The following CHLSN variants were observed in gnomAD, a reference collection of about 807,000 sequenced individuals.
CHLSN encodes cholesin, also known as protein cholesin.
chr7:1,117,547 A>G, the CHLSN span, among the ~76,000 whole-genome samples: 1 of 133,476 alleles, frequency 7.5e-6, no homozygotes, highest in South Asian at 2.4e-4. Flanking sequence ...ACCGGCTTCC[A>G]TCACCAATGT....
At chr7:1,084,563 TCAGG>T in the CHLSN span, among the ~76,000 whole-genome samples, 4 of 152,188 alleles carry the variant, frequency 2.6e-5, no homozygotes, top group Non-Finnish European at 5.9e-5. Flanking sequence ...TGGGCTAATC[TCAGG>T]CAGTGCCGCC....
chr7:1,047,661 T>C, the CHLSN span, among the ~76,000 whole-genome samples: 1 of 152,280 alleles, frequency 6.6e-6, no homozygotes, highest in South Asian at 2.1e-4. Context: ...TCATGGTGCA[T>C]GGCAGGTTCG....
the CHLSN span, among the ~76,000 whole-genome samples, chr7:1,001,382 T>TGGAGTCCTGTGGGTGG: frequency 7.6e-6 from 1 of 131,436 alleles, no homozygotes; most frequent in Non-Finnish European, 1.6e-5. Context: ...TGTGGGTGAG[T>TGGAGTCCTGTGGGTGG]GGAGTCCTGT....
chr7:1,106,677 G>A, the CHLSN span, among the ~76,000 whole-genome samples: 1 of 152,254 alleles, frequency 6.6e-6, no homozygotes, highest in African/African-American at 2.4e-5. Context: ...TTCAAAGGTA[G>A]ACAAGACAGG....
At chr7:1,127,125 C>A in the CHLSN span, 3 of 1,047,592 alleles carry the variant, frequency 2.9e-6, no homozygotes, top group African/African-American at 3.3e-5. Context: ...GGCACCAAGC[C>A]CCACCACGCC....
At chr7:1,106,157 T>C in the CHLSN span, among the ~76,000 whole-genome samples, 1 of 152,178 alleles carries the variant, frequency 6.6e-6, no homozygotes, top group East Asian at 1.9e-4. Context: ...ACCGCTCCCA[T>C]CCTCGAGTCC....
the CHLSN span, among the ~76,000 whole-genome samples, chr7:1,044,160 G>C: frequency 5.3e-5 from 8 of 152,246 alleles, no homozygotes; most frequent in African/African-American, 1.7e-4. Flanking sequence ...GGTGTACCTG[G>C]AAGGACTAAC....
chr7:1,066,312 C>A, the CHLSN span, among the ~76,000 whole-genome samples: 1 of 152,222 alleles, frequency 6.6e-6, no homozygotes, highest in Non-Finnish European at 1.5e-5. Context: ...GGGGCTCCTA[C>A]GGGACCCCCA....
the CHLSN span, among the ~76,000 whole-genome samples, chr7:1,134,609 C>G: frequency 6.6e-6 from 1 of 151,556 alleles, no homozygotes; most frequent in East Asian, 1.9e-4. Context: ...TGGCTCACGC[C>G]TATAATCCCA....
chr7:1,052,824 TG>T, the CHLSN span, among the ~76,000 whole-genome samples: 1 of 151,512 alleles, frequency 6.6e-6, no homozygotes, highest in Non-Finnish European at 1.5e-5. The surrounding 1 kb of genome is among the most constrained non-coding windows in gnomAD (Gnocchi z 4.2). Flanking sequence ...AGCATGGGGT[TG>T]GGGGGCAGGC....
the CHLSN span, among the ~76,000 whole-genome samples, chr7:1,097,828 C>T: frequency 3.9e-5 from 6 of 152,272 alleles, no homozygotes; most frequent in East Asian, 5.8e-4. This position sits in a 1 kb window ranked among gnomAD's most constrained non-coding sequence, Gnocchi z 4.3. Context: ...CATCTAGGAA[C>T]GCACAGCCTG....
At chr7:1,044,740 C>G in the CHLSN span, 1 of 152,298 alleles carries the variant, frequency 6.6e-6, no homozygotes, top group Non-Finnish European at 1.5e-5. Context: ...CCCCAAGCTG[C>G]TGTGGCTCCC....
At chr7:992,826 G>A in the CHLSN span, among the ~76,000 whole-genome samples, 1 of 152,230 alleles carries the variant, frequency 6.6e-6, no homozygotes, top group Admixed American at 6.5e-5. Flanking sequence ...GGACAGCTCA[G>A]CCTAGCGCCC....
At chr7:1,028,589 G>T in the CHLSN span, 13 of 984,882 alleles carry the variant, frequency 1.3e-5, no homozygotes, top group Non-Finnish European at 1.6e-5. Flanking sequence ...GAACTGCGGG[G>T]AGGGCGCACC....
At chr7:1,046,684 T>C in the CHLSN span, among the ~76,000 whole-genome samples, 2 of 151,988 alleles carry the variant, frequency 1.3e-5, no homozygotes, top group Admixed American at 6.6e-5. Flanking sequence ...GCAAACAAAA[T>C]ACCCCCTTGA....
chr7:1,097,968 T>C, the CHLSN span, among the ~76,000 whole-genome samples: 3 of 151,994 alleles, frequency 2.0e-5, no homozygotes, highest in East Asian at 5.8e-4. This position sits in a 1 kb window ranked among gnomAD's most constrained non-coding sequence, Gnocchi z 4.3. Context: ...GAAAGAGATG[T>C]AACAATTCGA....
chr7:1,042,507 C>T, the CHLSN span, among the ~76,000 whole-genome samples: 2 of 152,186 alleles, frequency 1.3e-5, no homozygotes, highest in Admixed American at 6.5e-5. Context: ...CCTCCAGCTA[C>T]GAGTACTTAT....
chr7:985,038 G>A, the CHLSN span: 46 of 1,612,264 alleles, frequency 2.9e-5, 1 homozygote, highest in Middle Eastern at 1.6e-4. Context: ...GCCGGGAGCC[G>A]GTGGCTGACA....
At chr7:1,031,895 A>G in the CHLSN span, among the ~76,000 whole-genome samples, 16,368 of 151,000 alleles carry the variant, frequency 0.11, 1,210 homozygotes, top group Middle Eastern at 0.2. Context: ...CGGCCAGCAA[A>G]CACCACCCGG....
Sources: allele counts gnomAD v4.1 joint callset (sites outside exome capture counted in the v4.1 genomes callset), GRCh38; gene constraint gnomAD v4.1.1; non-coding constraint Gnocchi (gnomAD v3.1); transcripts MANE v1.5; gene names NCBI Gene and HGNC (gene_info 2026-07-23, HGNC 2026-07-21).